Variants in SLC18A2 observed in about 807,000 individuals in gnomAD.
The protein encoded by SLC18A2 is solute carrier family 18 member A2, also known as synaptic vesicular amine transporter.
SLC18A2 carries 33 observed loss-of-function variants against 59.2 expected under a neutral mutation model. That is an observed-to-expected ratio of 0.56 (90% CI 0.42 to 0.75). The LOEUF (loss-of-function observed/expected upper bound fraction) is 0.75. Among genes scored for constraint, SLC18A2 ranks in the 30% least tolerant of loss-of-function variants. The pLI is 0.00. For synonymous variants in SLC18A2, 228 were observed against 253.5 expected, an observed-to-expected ratio of 0.90 and a Z score of 0.95; for missense variants, 569 against 668.6, an observed-to-expected ratio of 0.85 and a Z score of 1.64.
chr10:117,271,804 C>T (rs118166740), intron 15 of SLC18A2, among the ~76,000 whole-genome samples: 64 of 152,158 alleles, frequency 4.2e-4, no homozygotes, highest in East Asian at 7.7e-4. Context: ...AATACCTTGC[C>T]GAAATGGAGT....
intron 3 of SLC18A2, among the ~76,000 whole-genome samples, chr10:117,249,878 C>T (rs363338): frequency 0.57 from 87,285 of 152,002 alleles, 27,341 homozygotes; most frequent in Middle Eastern, 0.7. Flanking sequence ...AGAGGATGAC[C>T]GTGGGCCAGT....
At position 117,253,338 on chromosome 10, in the gene SLC18A2, T is replaced by C. The variant is rs987987304; in HGVS notation, c.465-61T>C. On this transcript the variant is annotated intron_variant, in intron 3 of 15. Coordinates refer to ENST00000644641, the MANE Select transcript of SLC18A2 (RefSeq NM_003054.6). ...CAAAGGGTAGCCAGGCGAAAATCAATATAAAGCCTTAAAAAAATAGCCTGC... is the reference window on the plus strand; with the variant it reads ...CAAAGGGTAGCCAGGCGAAAATCAACATAAAGCCTTAAAAAAATAGCCTGC... 33 of 1,258,162 alleles carry C rather than the reference T, an allele frequency of 2.6e-5. No homozygotes were observed. The South Asian group carries it at 3.5e-4, about 13-fold the overall frequency. 77.9% of individuals were successfully genotyped at this position (1,258,162 alleles called of 1,614,324 possible).
rs1415736271 is a variant in SLC18A2, at chr10:117,255,640, A to T, written c.878A>T (p.Tyr293Phe). Residue 293 changes from tyrosine (Y) to phenylalanine (F), a missense_variant, in exon 9 of 16, where the codon TAC becomes TTC. Tyr to Phe is a conservative substitution (Grantham distance 22, BLOSUM62 3). Coordinates refer to ENST00000644641, the MANE Select transcript of SLC18A2 (RefSeq NM_003054.6). The part of the protein sequence containing the change: ...TPLTTLLKDP[Y>F]ILIAAGSICF... ...CTAACCACGCTGCTGAAGGACCCGT[A>T]CATCCTCATTGCTGCAGGTGGGGCT... 15 of 1,613,634 alleles carry T rather than the reference A, an allele frequency of 9.3e-6. No homozygotes were observed. Among genetic ancestry groups the T allele is most frequent in the Non-Finnish European group, 1.3e-5 (15 of 1,180,002 alleles).
At chr10:117,242,885 C>T (rs1009509938) in intron 2 of SLC18A2, among the ~76,000 whole-genome samples, 2 of 152,096 alleles carry the variant, frequency 1.3e-5, no homozygotes, top group Admixed American at 6.6e-5. Context: ...GCATGCCCCA[C>T]CAAAGCTGGC....
At chr10:117,245,987 G>A (rs1844107063) in intron 3 of SLC18A2, among the ~76,000 whole-genome samples, 1 of 152,222 alleles carries the variant, frequency 6.6e-6, no homozygotes, top group Admixed American at 6.5e-5. Flanking sequence ...CCAGCGAAGG[G>A]CTGACTGTGA....
At chr10:117,263,586 A>C (rs1389870979) in intron 10 of SLC18A2, among the ~76,000 whole-genome samples, 1 of 152,112 alleles carries the variant, frequency 6.6e-6, no homozygotes, top group African/African-American at 2.4e-5. Context: ...CTCATCTGCC[A>C]CTTGAGGGGA....
intron 3 of SLC18A2, among the ~76,000 whole-genome samples, chr10:117,247,957 T>C (rs890630021): frequency 2.0e-5 from 3 of 152,174 alleles, no homozygotes; most frequent in African/African-American, 7.2e-5. Flanking sequence ...AGTCACAAAA[T>C]GTAGGCCGCC....
intron 15 of SLC18A2, among the ~76,000 whole-genome samples, chr10:117,273,345 A>ATGT (rs1844448253): frequency 6.6e-6 from 1 of 152,224 alleles, no homozygotes; most frequent in Non-Finnish European, 1.5e-5. Context: ...TCACTCTCAA[A>ATGT]ATTCCCAGTT....
At chr10:117,260,132 C>T (rs1248263006) in intron 10 of SLC18A2, among the ~76,000 whole-genome samples, 1 of 152,116 alleles carries the variant, frequency 6.6e-6, no homozygotes, top group Non-Finnish European at 1.5e-5. Context: ...GTTGTTATTG[C>T]AAAAACACCC....
At chr10:117,275,088 TA>T (rs1347013231) in intron 15 of SLC18A2, among the ~76,000 whole-genome samples, 2 of 152,098 alleles carry the variant, frequency 1.3e-5, no homozygotes, top group Non-Finnish European at 2.9e-5. Flanking sequence ...CATTTATTGT[TA>T]GGGGGGTTAA....
rs774960199 is a variant in SLC18A2 at position 117,241,662 on chromosome 10, G to A, written c.-15-17G>A. The stretch of plus-strand genomic sequence containing the variant: ...TCCACGGCCGCCTTGGGTCCTCACC[G>A]CGCACCGCGCCCGCAGCGGAGCCCC... On this transcript the variant is annotated splice_polypyrimidine_tract_variant and intron_variant, in intron 1 of 15. Coordinates refer to ENST00000644641, the MANE Select transcript of SLC18A2 (RefSeq NM_003054.6). 1 of 1,547,054 alleles carries A rather than the reference G, an allele frequency of 6.5e-7. No individual in the cohort carries two copies. The highest frequency in any genetic ancestry group is 8.7e-7 in the Non-Finnish European group (1 of 1,148,984).
intron 10 of SLC18A2, among the ~76,000 whole-genome samples, chr10:117,261,489 C>T (rs140309833): frequency 1.8e-3 from 269 of 152,296 alleles, no homozygotes; most frequent in Non-Finnish European, 3.4e-3. Context: ...TTTCAAGGTA[C>T]GTGTGGATAG....
Position 117,270,151 on chromosome 10 carries a change from G to C in SLC18A2, c.1267G>C (p.Ala423Pro). The change falls in exon 14 of 16, where the codon GCC becomes CCC. Residue 423 changes from alanine to proline, a missense_variant. Transcript: ENST00000644641. ...RHVSVYGSVY[A>P]IADVAFCMGY... Reference sequence around the variant, plus strand: ...CGTGTCCGTCTATGGGAGTGTGTACGCCATTGCGGATGTGGCATTTTGTAT... The same window carrying C: ...CGTGTCCGTCTATGGGAGTGTGTACCCCATTGCGGATGTGGCATTTTGTAT... 4.3e-6 allele frequency: 7 copies of C among 1,614,210 alleles called. No individual in the cohort carries two copies. The highest frequency in any genetic ancestry group is 5.9e-6 in the Non-Finnish European group (7 of 1,180,028).
chr10:117,270,084 G>A lies in SLC18A2; in HGVS notation c.1200G>A (p.Ser400=), dbSNP rs747512992. The change falls in exon 14 of 16, where the codon TCG becomes TCA. Residue 400 remains serine (S), a synonymous_variant. Coordinates refer to ENST00000644641, the MANE Select transcript of SLC18A2 (RefSeq NM_003054.6). ...GVGFAIGMVD[S]SMMPIMGYLV... is the part of the protein sequence containing the mutation. Reference sequence around the variant, plus strand: ...GACTGTCTTCAGGAATGGTGGATTCGTCAATGATGCCTATCATGGGCTACC... The same window carrying A: ...GACTGTCTTCAGGAATGGTGGATTCATCAATGATGCCTATCATGGGCTACC... 1.2e-5 allele frequency: 19 copies of A among 1,614,020 alleles called. No homozygotes were observed. Among genetic ancestry groups the A allele is most frequent in the African/African-American group, 5.3e-5 (4 of 74,908 alleles).
At position 117,270,163 on chromosome 10, in the gene SLC18A2, G is replaced by A; in HGVS notation, c.1279G>A (p.Val427Met). Residue 427 changes from valine to methionine, a missense_variant, in exon 14 of 16, where the codon GTG (valine) becomes ATG (methionine). Transcript: ENST00000644641. Reference protein sequence around the residue: ...VYGSVYAIADVAFCMGYAIGP... With the variant: ...VYGSVYAIADMAFCMGYAIGP... Reference sequence around the variant, plus strand: ...TGGGAGTGTGTACGCCATTGCGGATGTGGCATTTTGTATGGGGTATGCTAT... The same window carrying A: ...TGGGAGTGTGTACGCCATTGCGGATATGGCATTTTGTATGGGGTATGCTAT... The A allele has an allele frequency of 1.2e-6, 2 of 1,614,252 alleles. No individual in the cohort carries two copies. The highest frequency in any genetic ancestry group is 1.3e-5 in the African/African-American group (1 of 75,066).
chr10:117,257,841 GC>G lies in SLC18A2; in HGVS notation c.943del (p.Leu315CysfsTer5). On this transcript the variant is annotated frameshift_variant, in exon 10 of 16. Coordinates refer to ENST00000644641, the MANE Select transcript of SLC18A2 (RefSeq NM_003054.6). LOFTEE classifies it high-confidence loss of function. ...ANMGIAMLEP[A>X]LPIWMMETMC... ...CATGGGCATCGCCATGCTGGAGCCA[GC>G]CCTGCCCATCTGGATGATGGAGACC... 3.7e-6 allele frequency: 6 copies of G among 1,612,558 alleles called. No homozygotes were observed. Among genetic ancestry groups the G allele is most frequent in the Non-Finnish European group, 5.1e-6 (6 of 1,179,186 alleles).
chr10:117,270,475 T>G lies in SLC18A2; in HGVS notation c.1440+12T>G, dbSNP rs1164583506. On this transcript the variant is annotated intron_variant, in intron 15 of 15. Coordinates refer to ENST00000644641, the MANE Select transcript of SLC18A2 (RefSeq NM_003054.6). ...AAGAAGAAAAAATGGTAAGAAAAAT[T>G]TAGGATGCAGTGAGCATTTCTTGAT... 1.2e-6 allele frequency: 2 copies of G among 1,613,474 alleles called. No individual in the cohort carries two copies. The highest frequency in any genetic ancestry group is 2.2e-5 in the South Asian group (2 of 90,852).
At chr10:117,241,399 G>A (rs974873298) in intron 1 of SLC18A2, among the ~76,000 whole-genome samples, 179 bp downstream of exon 1, 26 of 152,156 alleles carry the variant, frequency 1.7e-4, no homozygotes, top group African/African-American at 5.8e-4. Context: ...CAGTTTGGGA[G>A]GTGGCACAGT....
At position 117,258,766 on chromosome 10, in the gene SLC18A2, C is replaced by G. The variant is rs542519764; in HGVS notation, c.991+874C>G. 5.1e-3 allele frequency among the ~76,000 whole-genome samples: 544 copies of G among 106,134 alleles called. 5 individuals are homozygous for G. The highest frequency in any genetic ancestry group is 0.018 in the African/African-American group (515 of 28,850). The allele number at this position is 106,134 out of a possible 152,430, so 69.6% of individuals were successfully genotyped here. On this transcript the variant is annotated intron_variant, in intron 10 of 15. Transcript: ENST00000644641. ...AAATAATATGTGTACACCCCCGACT[C>G]TTTTTTTTTTTTTTTTTTGAGACAA...
Sources: allele counts gnomAD v4.1 joint callset (sites outside exome capture counted in the v4.1 genomes callset), GRCh38; gene constraint gnomAD v4.1.1; transcripts MANE v1.5; gene names NCBI Gene and HGNC (gene_info 2026-07-23, HGNC 2026-07-21).